Variants in TMEM132B observed in about 807,000 individuals in gnomAD.
TMEM132B encodes the protein transmembrane protein 132B.
In TMEM132B, 18 loss-of-function variants were observed where a neutral mutation model predicts 90.8. The observed-to-expected ratio is 0.20, with a 90% CI of 0.14 to 0.29. TMEM132B has a LOEUF of 0.29. Among genes scored for constraint, TMEM132B ranks in the 10% least tolerant of loss-of-function variants. The pLI is 1.00. For missense variants in TMEM132B, 1,096 were observed against 1,326.8 expected (o/e 0.83, Z 2.70); for synonymous variants, 504 against 523.3 (o/e 0.96, Z 0.50).
At chr12:125,383,965 T>C (rs183963139) in intron 2 of TMEM132B, among the ~76,000 whole-genome samples, 26 of 152,284 alleles carry the variant, frequency 1.7e-4, no homozygotes, top group Middle Eastern at 6.8e-3. Context: ...TTCTTTTTTT[T>C]AGATGGAGTC....
intron 5 of TMEM132B, among the ~76,000 whole-genome samples, chr12:125,590,155 A>G: frequency 6.6e-6 from 1 of 152,102 alleles, no homozygotes; most frequent in Non-Finnish European, 1.5e-5. Context: ...CCTTGCCAGA[A>G]GCAGATGAGG....
At chr12:125,482,726 C>G (rs879463712) in intron 3 of TMEM132B, among the ~76,000 whole-genome samples, 10 of 152,116 alleles carry the variant, frequency 6.6e-5, no homozygotes, top group Non-Finnish European at 1.5e-4. Flanking sequence ...ACCATTTGTC[C>G]CAGTGATCTC....
chr12:125,484,657 G>A (rs1461459511), intron 3 of TMEM132B, among the ~76,000 whole-genome samples: 1 of 152,056 alleles, frequency 6.6e-6, no homozygotes, highest in Non-Finnish European at 1.5e-5. Flanking sequence ...TTGTGACAGG[G>A]TCTTGCTTTG....
chr12:125,245,409 A>G (rs1874184512), intron 1 of TMEM132B, among the ~76,000 whole-genome samples: 1 of 137,124 alleles, frequency 7.3e-6, no homozygotes, highest in African/African-American at 2.7e-5. Flanking sequence ...TCCTGGTCAC[A>G]GGTGGCCGAG....
chr12:125,518,387 A>G (rs964951043), intron 3 of TMEM132B, among the ~76,000 whole-genome samples: 1 of 152,174 alleles, frequency 6.6e-6, no homozygotes, highest in Non-Finnish European at 1.5e-5. Context: ...GGCAGGAAGG[A>G]GACTTCTCAG....
At chr12:125,279,565 T>C (rs1054224475) in intron 1 of TMEM132B, among the ~76,000 whole-genome samples, 1 of 152,214 alleles carries the variant, frequency 6.6e-6, no homozygotes, top group African/African-American at 2.4e-5. Context: ...TTGCTGTGTT[T>C]TTCTTGCTGG....
At chr12:125,596,285 A>G (rs1474270506) in intron 5 of TMEM132B, among the ~76,000 whole-genome samples, 1 of 152,184 alleles carries the variant, frequency 6.6e-6, no homozygotes, top group Admixed American at 6.5e-5. Flanking sequence ...CAATGGGATG[A>G]GCCTTCTCAG....
intron 5 of TMEM132B, among the ~76,000 whole-genome samples, chr12:125,613,269 A>G (rs958050019): frequency 7.1e-6 from 1 of 141,092 alleles, no homozygotes; most frequent in African/African-American, 2.6e-5. Flanking sequence ...GGGGTACATG[A>G]GATACTTTCA....
chr12:125,336,166 C>T (rs1211089710), intron 1 of TMEM132B, among the ~76,000 whole-genome samples: 1 of 152,212 alleles, frequency 6.6e-6, no homozygotes, highest in Non-Finnish European at 1.5e-5. Context: ...CCAGCCCCTT[C>T]TGTCCGGCAG....
At chr12:125,446,999 T>C (rs1881022078) in intron 3 of TMEM132B, among the ~76,000 whole-genome samples, 1 of 152,262 alleles carries the variant, frequency 6.6e-6, no homozygotes. Flanking sequence ...GCTTTTTGTC[T>C]TAAAATCTAC....
chr12:125,300,650 T>C (rs1169334797), intron 1 of TMEM132B, among the ~76,000 whole-genome samples: 1 of 152,230 alleles, frequency 6.6e-6, no homozygotes, highest in Non-Finnish European at 1.5e-5. Flanking sequence ...ACTTGACTCA[T>C]TTAATCCTCA....
chr12:125,356,353 C>T (rs1326326749), intron 2 of TMEM132B, among the ~76,000 whole-genome samples: 2 of 152,150 alleles, frequency 1.3e-5, no homozygotes, highest in Admixed American at 6.5e-5. Flanking sequence ...CCAATCTGTA[C>T]GTGGGGACAG....
At chr12:125,573,733 T>C (rs1177529962) in intron 4 of TMEM132B, among the ~76,000 whole-genome samples, 1 of 152,196 alleles carries the variant, frequency 6.6e-6, no homozygotes, top group Non-Finnish European at 1.5e-5. Context: ...GTGTGAAGTC[T>C]TGTGTTCTTA....
In TMEM132B at chr12:125,655,873, A is replaced by G. The variant is rs540266396; in HGVS notation, c.*1163A>G. 1.2e-4 allele frequency: 19 copies of G among 152,344 alleles called. No homozygotes were observed. The East Asian group carries it at 3.7e-3, about 29-fold the overall frequency. The allele number at this position is 152,344 out of a possible 1,614,324, so 9.4% of individuals were successfully genotyped here. A position where few individuals can be genotyped will look rare whatever the true frequency, so the allele number is the denominator to read the frequency against. ...CATCCATACAATGACCAAAATAAAT[A>G]AATAAATAAAACTCAATCATGACTT... On this transcript the variant is annotated 3_prime_UTR_variant, in exon 9 of 9. Transcript: ENST00000682704.
At chr12:125,317,287 G>A (rs780561118) in intron 1 of TMEM132B, among the ~76,000 whole-genome samples, 8 of 152,140 alleles carry the variant, frequency 5.3e-5, no homozygotes, top group Non-Finnish European at 7.3e-5. Flanking sequence ...AGTGCGCACC[G>A]TGTGACTATT....
At chr12:125,298,922 A>G (rs1233680841) in intron 1 of TMEM132B, among the ~76,000 whole-genome samples, 5 of 151,226 alleles carry the variant, frequency 3.3e-5, no homozygotes, top group African/African-American at 1.2e-4. Context: ...TTTAGTAGAG[A>G]CGGGGTTTCA....
rs1373671420 is a variant in TMEM132B at position 125,657,158 on chromosome 12, C to T, written c.*2448C>T. 6.6e-6 allele frequency: 1 copy of T among 152,208 alleles called. No individual in the cohort carries two copies. The highest frequency in any genetic ancestry group is 2.4e-5 in the African/African-American group (1 of 41,436). 9.4% of individuals were successfully genotyped at this position (152,208 alleles called of 1,614,324 possible). On this transcript the variant is annotated 3_prime_UTR_variant, in exon 9 of 9. Coordinates refer to ENST00000682704, the MANE Select transcript of TMEM132B (RefSeq NM_001366854.1). ...ACTGGCCACAGTCCTGAAGATGCTT[C>T]TTGTGACAACTTAGAGTCACTGGGA...
intron 1 of TMEM132B, among the ~76,000 whole-genome samples, chr12:125,238,135 C>T (rs927400247): frequency 1.3e-5 from 2 of 151,792 alleles, no homozygotes; most frequent in African/African-American, 4.8e-5. Context: ...TCTAAAGGGC[C>T]TGACTTCTGA....
At chr12:125,465,223 T>C (rs1424740905) in intron 3 of TMEM132B, among the ~76,000 whole-genome samples, 1 of 152,236 alleles carries the variant, frequency 6.6e-6, no homozygotes, top group Non-Finnish European at 1.5e-5. Flanking sequence ...GGGTTCATTC[T>C]TTTGTCCTCT....
Sources: gnomAD v4.1 joint callset for allele counts (sites outside exome capture counted in the v4.1 genomes callset) on GRCh38, gnomAD v4.1.1 for gene constraint, MANE v1.5 for transcripts, NCBI Gene and HGNC (gene_info 2026-07-23, HGNC 2026-07-21) for gene names.